Variants in NAV3 observed in about 807,000 individuals in gnomAD.
The protein encoded by NAV3 is pore membrane and/or filament interacting like protein 1.
Under a neutral mutation model 244.7 loss-of-function variants are expected in NAV3, and 87 were observed. That is an observed-to-expected ratio of 0.36 (90% confidence interval 0.30 to 0.42). The LOEUF is 0.42. NAV3 is among the 20% of genes least tolerant of loss of function. NAV3 has a pLI of 1.00. For synonymous variants in NAV3, 1,126 were observed against 1,042.2 expected, an observed-to-expected ratio of 1.08 and a Z score of -1.55; for missense variants, 2,663 against 2,893.3, an observed-to-expected ratio of 0.92 and a Z score of 1.83.
intron 2 of NAV3, among the ~76,000 whole-genome samples, chr12:77,812,406 T>C (rs1479393699): frequency 6.7e-6 from 1 of 149,332 alleles, no homozygotes; most frequent in Non-Finnish European, 1.5e-5. Flanking sequence ...ATTTCTTTCT[T>C]TTTTTTTTTA....
intron 2 of NAV3, among the ~76,000 whole-genome samples, chr12:77,793,750 T>A (rs1333226519): frequency 6.6e-6 from 1 of 152,262 alleles, no homozygotes; most frequent in Non-Finnish European, 1.5e-5. Context: ...TGGTTCCAAG[T>A]ATTTGCTATT....
chr12:78,189,957 A>ATGCTAT (rs1958900750), intron 33 of NAV3, 27 bp from the exon 34 acceptor site: 1 of 1,522,582 alleles, frequency 6.6e-7, no homozygotes, highest in African/African-American at 1.4e-5. Flanking sequence ...ACAATAAATC[A>ATGCTAT]TGCTATTTTT....
At chr12:77,888,598 G>A (rs2136708136) in intron 1 of NAV3, among the ~76,000 whole-genome samples, 1 of 152,194 alleles carries the variant, frequency 6.6e-6, no homozygotes, top group South Asian at 2.1e-4. Context: ...TAAGTTAATA[G>A]CCTCATTAAG....
intron 2 of NAV3, among the ~76,000 whole-genome samples, chr12:77,793,512 C>G (rs185426055): frequency 6.6e-6 from 1 of 152,150 alleles, no homozygotes; most frequent in Non-Finnish European, 1.5e-5. Context: ...TTGTGATGTT[C>G]CCTCCCTGTG....
intron 1 of NAV3, among the ~76,000 whole-genome samples, chr12:77,912,393 T>A (rs1886688595): frequency 6.6e-6 from 1 of 152,110 alleles, no homozygotes; most frequent in African/African-American, 2.4e-5. Context: ...TTCCTTTGAG[T>A]TGACTTGTTC....
intron 3 of NAV3, among the ~76,000 whole-genome samples, chr12:77,960,447 A>G (rs1352840859): frequency 1.5e-5 from 1 of 68,316 alleles, no homozygotes; most frequent in Non-Finnish European, 2.9e-5. Context: ...ATATATATAT[A>G]TATACACACA....
chr12:77,942,356 G>A (rs1889956695), intron 3 of NAV3, among the ~76,000 whole-genome samples: 1 of 151,488 alleles, frequency 6.6e-6, no homozygotes, highest in Admixed American at 6.6e-5. Flanking sequence ...TGGGCAATAC[G>A]AGCAAAACTC....
chr12:78,152,599 T>G (rs762632955), intron 22 of NAV3, among the ~76,000 whole-genome samples: 1 of 151,946 alleles, frequency 6.6e-6, no homozygotes, highest in Admixed American at 6.6e-5. Flanking sequence ...TAATACTTGA[T>G]TTTTCCTCAG....
Position 78,059,034 on chromosome 12 carries a change from G to A in NAV3, c.2555G>A (p.Ser852Asn). The A allele has an allele frequency of 6.2e-7, 1 of 1,610,666 alleles. No individual in the cohort carries two copies. Among genetic ancestry groups the A allele is most frequent in the South Asian group, 1.1e-5 (1 of 90,658 alleles). ...TDGGLNLYTRSLNRIPDTATS... is the reference protein window; with the variant it reads ...TDGGLNLYTRNLNRIPDTATS... The stretch of plus-strand genomic sequence containing the variant: ...GGAGGACTTAACCTATATACTAGAA[G>A]TCTGAACCGAATACCAGACACAGCA... The change falls in exon 12 of 40, where the codon AGT becomes AAT. Residue 852 changes from serine to asparagine, a missense_variant. Physicochemically the swap from Ser to Asn is conservative, Grantham distance 46 (BLOSUM62 1). This residue lies in a region of NAV3 where 1,521 missense variants were observed against 1,497.0 expected (regional missense o/e 1.02). Transcript: ENST00000397909.
chr12:78,139,918 C>T (rs1593752661), intron 19 of NAV3, among the ~76,000 whole-genome samples: 1 of 152,126 alleles, frequency 6.6e-6, no homozygotes, highest in East Asian at 1.9e-4. Flanking sequence ...AAATAAGGTA[C>T]ATACATTTTT....
chr12:77,709,812 G>A (rs1055184231), intron 2 of NAV3, among the ~76,000 whole-genome samples: 6 of 152,052 alleles, frequency 3.9e-5, no homozygotes, highest in Admixed American at 3.3e-4. Context: ...ATTGTGCCTG[G>A]CATAGAGTAG....
intron 12 of NAV3, among the ~76,000 whole-genome samples, chr12:78,114,542 A>G (rs975374381): frequency 2.6e-5 from 4 of 152,262 alleles, no homozygotes; most frequent in South Asian, 4.1e-4. Flanking sequence ...AAAACGGGGG[A>G]AAAACCCTTA....
intron 37 of NAV3, among the ~76,000 whole-genome samples, chr12:78,199,789 A>G (rs1189294825): frequency 2.6e-5 from 4 of 152,122 alleles, no homozygotes; most frequent in Admixed American, 2.6e-4. Flanking sequence ...TAAAAATCAG[A>G]TAACCACTGG....
upstream of NAV3, among the ~76,000 whole-genome samples, chr12:77,828,404 C>T (rs941394315): frequency 6.6e-6 from 1 of 152,128 alleles, no homozygotes; most frequent in African/African-American, 2.4e-5. Context: ...GTTATAGTAG[C>T]ACAAATGGAC....
chr12:78,122,499 T>G, intron 16 of NAV3, 71 bp downstream of exon 16: 1 of 1,484,058 alleles, frequency 6.7e-7, no homozygotes, highest in African/African-American at 1.4e-5. Context: ...CCCACCCCAT[T>G]AAATTCCCTT....
chr12:77,725,649 A>T (rs1413818954), intron 2 of NAV3, among the ~76,000 whole-genome samples: 1 of 151,912 alleles, frequency 6.6e-6, no homozygotes, highest in Non-Finnish European at 1.5e-5. Context: ...AAAAAAAGTG[A>T]ACTCTTCTAT....
chr12:77,750,950 A>G (rs1275332429), intron 2 of NAV3, among the ~76,000 whole-genome samples: 2 of 152,198 alleles, frequency 1.3e-5, no homozygotes, highest in South Asian at 2.1e-4. Context: ...TCTGGCTACA[A>G]GACTTATTCT....
chr12:77,790,582 G>C (rs951404504), intron 2 of NAV3, among the ~76,000 whole-genome samples: 6 of 152,096 alleles, frequency 3.9e-5, no homozygotes, highest in Admixed American at 1.3e-4. Context: ...TTGCAATCTG[G>C]CTTCATGGTT....
intron 6 of NAV3, 129 bp downstream of exon 6, chr12:77,995,000 A>T: frequency 4.9e-6 from 3 of 608,330 alleles, no homozygotes; most frequent in African/African-American, 1.9e-5. Flanking sequence ...AAATTTTTCC[A>T]GGAAGATTTT....
Sources: allele counts gnomAD v4.1 joint callset (sites outside exome capture counted in the v4.1 genomes callset), GRCh38; gene constraint gnomAD v4.1.1; regional missense constraint gnomAD v4.1.1; transcripts MANE v1.5; gene names NCBI Gene and HGNC (gene_info 2026-07-23, HGNC 2026-07-21).